BMS1: variants seen among roughly 807,000 people sequenced by gnomAD.
The protein encoded by BMS1 is ribosome biogenesis protein BMS1 homolog.
Under a neutral mutation model 138.7 loss-of-function variants are expected in BMS1, and 53 were observed. That is an observed-to-expected ratio of 0.38 (90% confidence interval 0.31 to 0.48). BMS1 has a LOEUF of 0.48. Among genes scored for constraint, BMS1 ranks in the 20% least tolerant of loss-of-function variants. BMS1 has a pLI of 0.97. For synonymous variants in BMS1, 504 were observed against 539.9 expected (o/e 0.93, Z 0.92); for missense variants, 1,360 against 1,565.5 (o/e 0.87, Z 2.22).
In BMS1 at chr10:42,792,619, T is replaced by A. The variant is rs1289946855; in HGVS notation, c.901+5T>A. On this transcript the variant is annotated splice_donor_5th_base_variant and intron_variant, in intron 7 of 22. Transcript: ENST00000374518. ...AAAGCCAAATTCACATGCCAGGTAT[T>A]CTCTTGTTGTAGAACATACTAGAAT... The A allele has an allele frequency of 1.2e-6, 2 of 1,604,796 alleles. No individual in the cohort carries two copies. Among genetic ancestry groups the A allele is most frequent in the African/African-American group, 2.7e-5 (2 of 74,814 alleles).
chr10:42,819,122 C>T (rs541698677), intron 15 of BMS1, among the ~76,000 whole-genome samples: 29 of 152,204 alleles, frequency 1.9e-4, no homozygotes, highest in Admixed American at 1.8e-3. Context: ...GAAATGAAGC[C>T]GTTGTTGGTG....
Position 42,831,311 on chromosome 10 carries a change from G to A in BMS1, c.*215G>A. ...GCTGTCGAGATTTAAAGTGATGTAA[G>A]CTGTGGTTATGTGGATTCTCTTACT... On this transcript the variant is annotated 3_prime_UTR_variant, in exon 23 of 23. Transcript: ENST00000374518. The A allele has an allele frequency of 1.9e-6, 1 of 530,782 alleles. No homozygotes were observed. The highest frequency in any genetic ancestry group is 3.3e-6 in the Non-Finnish European group (1 of 298,746). The allele number at this position is 530,782 out of a possible 1,614,324, so 32.9% of individuals were successfully genotyped here. A position where few individuals can be genotyped will look rare whatever the true frequency, so the allele number is the denominator to read the frequency against.
At chr10:42,805,920 C>T (rs1436182735) in intron 13 of BMS1, among the ~76,000 whole-genome samples, 2 of 152,122 alleles carry the variant, frequency 1.3e-5, no homozygotes, top group Non-Finnish European at 2.9e-5. Context: ...ATGCCCCAGC[C>T]TCGTGAGTAG....
chr10:42,821,542 CTTTTTTTTTTTTTTTTTTT>C (rs34272995), intron 18 of BMS1, among the ~76,000 whole-genome samples: 8 of 68,594 alleles, frequency 1.2e-4, no homozygotes, highest in African/African-American at 5.0e-4. Context: ...CTCAAGGCGC[CTTTTTTTTTTTTTTTTTTT>C]TTTTTTTTTG....
intron 13 of BMS1, among the ~76,000 whole-genome samples, chr10:42,807,148 A>G (rs1842036186): frequency 6.6e-6 from 1 of 152,106 alleles, no homozygotes; most frequent in African/African-American, 2.4e-5. Flanking sequence ...GTTCCATCAC[A>G]AGGATTGCTT....
chr10:42,792,263 T>C (rs1256637277), intron 6 of BMS1, among the ~76,000 whole-genome samples: 1 of 152,212 alleles, frequency 6.6e-6, no homozygotes, highest in African/African-American at 2.4e-5. Flanking sequence ...GGACGTCATC[T>C]CCCTGTCTGG....
At chr10:42,826,364 A>C (rs972438607) in intron 21 of BMS1, among the ~76,000 whole-genome samples, 4 of 151,842 alleles carry the variant, frequency 2.6e-5, no homozygotes, top group African/African-American at 9.7e-5. Context: ...TTTTGCGAAG[A>C]GTTTAAGAAG....
intron 15 of BMS1, among the ~76,000 whole-genome samples, chr10:42,819,572 T>G (rs1032347834): frequency 2.0e-5 from 3 of 151,728 alleles, no homozygotes; most frequent in African/African-American, 7.3e-5. Context: ...ATCAGCTGAG[T>G]GAAGGTGAGG....
intron 13 of BMS1, among the ~76,000 whole-genome samples, chr10:42,806,652 T>A (rs1842018303): frequency 6.6e-6 from 1 of 151,568 alleles, no homozygotes; most frequent in Non-Finnish European, 1.5e-5. Flanking sequence ...GGAGAATTGC[T>A]TGAACCCGGA....
chr10:42,783,770 G>A (rs961264337), intron 1 of BMS1, among the ~76,000 whole-genome samples: 23 of 152,180 alleles, frequency 1.5e-4, no homozygotes, highest in Non-Finnish European at 4.4e-5. Flanking sequence ...TCAAATGTAT[G>A]TAGATAAGTT....
intron 13 of BMS1, among the ~76,000 whole-genome samples, chr10:42,810,453 G>GTTTT (rs1842139420): frequency 1.3e-5 from 2 of 152,136 alleles, no homozygotes; most frequent in South Asian, 4.2e-4. Context: ...GTTTTGTTTT[G>GTTTT]TTTTTTCTTT....
At chr10:42,825,209 A>G (rs918081570) in intron 21 of BMS1, among the ~76,000 whole-genome samples, 1 of 151,918 alleles carries the variant, frequency 6.6e-6, no homozygotes, top group Non-Finnish European at 1.5e-5. Context: ...GGGTTTCACT[A>G]TGTTTGCTGG....
chr10:42,794,113 G>A, intron 9 of BMS1, 122 bp downstream of exon 9: 2 of 1,076,304 alleles, frequency 1.9e-6, no homozygotes, highest in Non-Finnish European at 2.7e-6. Context: ...GTTTTTCTTT[G>A]TGTGTGCATG....
chr10:42,797,305 A>AG (rs1184138184), intron 10 of BMS1, 74 bp downstream of exon 10: 2 of 1,577,234 alleles, frequency 1.3e-6, no homozygotes, highest in East Asian at 4.5e-5. Context: ...GTCTACATTT[A>AG]GGGGTCTGTT....
rs1842821626 is a variant in BMS1, at chr10:42,832,653, G to C, written c.*1557G>C. On this transcript the variant is annotated 3_prime_UTR_variant, in exon 23 of 23. Coordinates refer to ENST00000374518, the MANE Select transcript of BMS1 (RefSeq NM_014753.4). The stretch of plus-strand genomic sequence containing the variant: ...TCTAAAAGCCTAAAGTCTGTAGGCA[G>C]GTGCTCAGCTTTGTATCTCCATAAG... 1 of 152,100 alleles carries C rather than the reference G, an allele frequency of 6.6e-6. No individual in the cohort carries two copies. 9.4% of individuals were successfully genotyped at this position (152,100 alleles called of 1,614,324 possible).
At position 42,830,490 on chromosome 10, in the gene BMS1, T is replaced by G. The variant is rs1030063278; in HGVS notation, c.3618+68T>G. Reference sequence around the variant, plus strand: ...AAAAGAACACTCTCAATAGCACACTTCCTGTTTCTACTGTAGTCTCAGTTA... The same window carrying G: ...AAAAGAACACTCTCAATAGCACACTGCCTGTTTCTACTGTAGTCTCAGTTA... On this transcript the variant is annotated intron_variant, in intron 22 of 22. Coordinates refer to ENST00000374518, the MANE Select transcript of BMS1 (RefSeq NM_014753.4). 5 of 1,533,832 alleles carry G rather than the reference T, an allele frequency of 3.3e-6. No individual in the cohort carries two copies. The Admixed American group carries it at 1.1e-4, about 34-fold the overall frequency.
intron 12 of BMS1, 73 bp downstream of exon 12, chr10:42,798,698 A>G (rs1255497648): frequency 5.1e-6 from 8 of 1,571,956 alleles, no homozygotes; most frequent in Non-Finnish European, 7.0e-6. Flanking sequence ...TCTGATGTCA[A>G]TATTGCTTAC....
intron 12 of BMS1, among the ~76,000 whole-genome samples, chr10:42,800,129 G>A (rs753775481): frequency 5.9e-5 from 9 of 152,046 alleles, no homozygotes; most frequent in Non-Finnish European, 8.8e-5. Flanking sequence ...CTTTAAATGT[G>A]GCTAATGAGA....
intron 21 of BMS1, among the ~76,000 whole-genome samples, chr10:42,828,942 C>G (rs1357014729): frequency 6.6e-6 from 1 of 152,120 alleles, no homozygotes; most frequent in East Asian, 1.9e-4. Flanking sequence ...AAGTAGATTT[C>G]TCTGAATTCT....
Sources: gnomAD v4.1 joint callset for allele counts (sites outside exome capture counted in the v4.1 genomes callset) on GRCh38, gnomAD v4.1.1 for gene constraint, MANE v1.5 for transcripts, NCBI Gene and HGNC (gene_info 2026-07-23, HGNC 2026-07-21) for gene names.